The following MYO3B variants were observed in gnomAD, a reference collection of about 807,000 sequenced individuals.
MYO3B encodes the protein myosin IIIB, also known as myosin-IIIb.
MYO3B carries 156 observed loss-of-function variants against 174.6 expected under a neutral mutation model. The ratio of observed to expected loss-of-function variants is 0.89; its 90% confidence interval spans 0.78 to 1.02. The LOEUF (loss-of-function observed/expected upper bound fraction) is 1.02, where lower values mean the gene tolerates loss of function less well. Ranked by LOEUF, MYO3B falls within the 50% of genes least tolerant of loss-of-function variation. The probability of loss-of-function intolerance (pLI) is 0.00; values close to 1 mark genes in which losing one functional copy is unlikely to be tolerated. For synonymous variants in MYO3B, 563 were observed against 569.1 expected (o/e 0.99, Z 0.15); for missense variants, 1,632 against 1,639.4 (o/e 1.00, Z 0.08).
intron 7 of MYO3B, among the ~76,000 whole-genome samples, chr2:170,291,537 T>A (rs1389722854): frequency 6.6e-6 from 1 of 152,140 alleles, no homozygotes; most frequent in Admixed American, 6.5e-5. Context: ...CCCTGAAGAT[T>A]TTTCTTTTTG....
In MYO3B at chr2:170,399,242, C is replaced by CAAAA. The variant is rs71399532; in HGVS notation, c.1792-925_1792-922dup. 7.1e-4 allele frequency among the ~76,000 whole-genome samples: 11 copies of CAAAA among 15,600 alleles called. 3 individuals are homozygous for CAAAA. The highest frequency in any genetic ancestry group is 2.9e-3 in the East Asian group (1 of 346). 10.2% of individuals were successfully genotyped at this position (15,600 alleles called of 152,430 possible). On this transcript the variant is annotated intron_variant, in intron 16 of 34. Transcript: ENST00000408978. ...GGGCAACAAGAGCGAAATTCCGTCT[C>CAAAA]AAAAAAAAAAAAAAAAAAAAAAAAG... is the stretch of plus-strand genomic sequence containing the variant.
intron 25 of MYO3B, among the ~76,000 whole-genome samples, chr2:170,489,017 G>A (rs1210882712): frequency 1.3e-5 from 2 of 152,206 alleles, no homozygotes; most frequent in African/African-American, 4.8e-5. Context: ...GAGTTCCAAT[G>A]AGGTGAAAGG....
At chr2:170,393,150 C>T (rs2094424215) in intron 16 of MYO3B, among the ~76,000 whole-genome samples, 1 of 148,560 alleles carries the variant, frequency 6.7e-6, no homozygotes, top group Non-Finnish European at 1.5e-5. Flanking sequence ...GTGGCGGGAT[C>T]TCAGCTCACT....
At position 170,466,638 on chromosome 2, in the gene MYO3B, G is replaced by A; in HGVS notation, c.2941G>A (p.Gly981Arg). 1.2e-6 allele frequency: 2 copies of A among 1,614,252 alleles called. No homozygotes were observed. Among genetic ancestry groups the A allele is most frequent in the African/African-American group, 1.3e-5 (1 of 75,064 alleles). ...ERVLAQLRST[G>R]ILETVSIRRQ... ...GGTGCTGGCCCAGCTCCGCTCCACA[G>A]GGATTCTGGAGACAGTCAGCATCCG... The change falls in exon 25 of 35, where the codon GGG becomes AGG. Residue 981 changes from glycine (G) to arginine (R), a missense_variant. Transcript: ENST00000408978.
chr2:170,608,883 G>A (rs1694977067), intron 32 of MYO3B, among the ~76,000 whole-genome samples: 1 of 152,122 alleles, frequency 6.6e-6, no homozygotes, highest in Admixed American at 6.5e-5. Flanking sequence ...CTCCTCCCCA[G>A]GCTGTTAGCT....
At position 170,398,889 on chromosome 2, in the gene MYO3B, G is replaced by A. The variant is rs141120160; in HGVS notation, c.1792-1299G>A. On this transcript the variant is annotated intron_variant, in intron 16 of 34. Transcript: ENST00000408978. ...CTTGTGAATACTGTATTTTTGATCC[G>A]TGTTTGGTTGAAAAATATCTATGTA... Among the ~76,000 whole-genome samples the A allele has an allele frequency of 1.7e-4, 26 of 152,208 alleles. 1 individual carries two copies. In the East Asian group the frequency reaches 4.6e-3, roughly 27 times the overall value.
At position 170,484,324 on chromosome 2, in the gene MYO3B, TA is replaced by T. The variant is rs1685889013; in HGVS notation, c.3015-14265del. 2.0e-5 allele frequency among the ~76,000 whole-genome samples: 3 copies of T among 152,206 alleles called. 1 individual carries two copies. The highest frequency in any genetic ancestry group is 2.0e-4 in the Admixed American group (3 of 15,280). On this transcript the variant is annotated intron_variant, in intron 25 of 34. Transcript: ENST00000408978. ...GTGAAATGCCCATCCTCAAAATAAA[TA>T]AATTGAGGTGGTTGAACACATCTGA...
chr2:170,593,908 C>T (rs1693977164), intron 32 of MYO3B, among the ~76,000 whole-genome samples: 1 of 152,114 alleles, frequency 6.6e-6, no homozygotes, highest in Admixed American at 6.6e-5. Flanking sequence ...TTTCTTGGGG[C>T]TCGCTGATAT....
At chr2:170,573,182 A>C (rs1692553016) in intron 32 of MYO3B, among the ~76,000 whole-genome samples, 1 of 150,358 alleles carries the variant, frequency 6.7e-6, no homozygotes, top group Non-Finnish European at 1.5e-5. Context: ...TAGTATACAT[A>C]TATATGTAGT....
intron 25 of MYO3B, among the ~76,000 whole-genome samples, chr2:170,494,382 A>G (rs1398985408): frequency 6.6e-6 from 1 of 151,862 alleles, no homozygotes; most frequent in African/African-American, 2.4e-5. Context: ...GCCTTGGGAA[A>G]TTTATGTCTT....
intron 6 of MYO3B, among the ~76,000 whole-genome samples, chr2:170,225,425 C>T (rs2092941752): frequency 6.6e-6 from 1 of 152,064 alleles, no homozygotes; most frequent in African/African-American, 2.4e-5. Flanking sequence ...ATTGTTTTTT[C>T]CCCCAATTCT....
intron 32 of MYO3B, among the ~76,000 whole-genome samples, chr2:170,633,336 A>T (rs559875698): frequency 2.0e-5 from 3 of 152,342 alleles, no homozygotes; most frequent in Admixed American, 2.0e-4. Flanking sequence ...CAATAAACTT[A>T]ATCCATCATA....
chr2:170,643,452 G>T (rs1319918165), intron 32 of MYO3B, among the ~76,000 whole-genome samples: 3 of 152,162 alleles, frequency 2.0e-5, no homozygotes, highest in African/African-American at 7.2e-5. Context: ...AATGCCCTGA[G>T]AACCTTGGTC....
chr2:170,222,276 G>T (rs189936133), intron 6 of MYO3B, among the ~76,000 whole-genome samples: 14 of 152,338 alleles, frequency 9.2e-5, no homozygotes, highest in African/African-American at 2.6e-4. Context: ...CAACCAAACA[G>T]CGAGAAGTTA....
chr2:170,474,588 T>A (rs1251947574), intron 25 of MYO3B, among the ~76,000 whole-genome samples: 43 of 146,098 alleles, frequency 2.9e-4, no homozygotes, highest in Admixed American at 6.2e-4. Flanking sequence ...AAAAAAAAAA[T>A]AATAATAAGC....
intron 33 of MYO3B, 125 bp downstream of exon 33, chr2:170,651,859 G>T: frequency 1.4e-6 from 1 of 740,360 alleles, no homozygotes; most frequent in Non-Finnish European, 2.2e-6. Context: ...TTGAACATGT[G>T]CTTAGGCTCT....
intron 7 of MYO3B, among the ~76,000 whole-genome samples, chr2:170,286,146 G>A (rs541898776): frequency 1.3e-5 from 2 of 152,272 alleles, no homozygotes; most frequent in Non-Finnish European, 2.9e-5. Flanking sequence ...CTTTTAATAA[G>A]CCACATCATG....
At chr2:170,615,553 T>G (rs966372844) in intron 32 of MYO3B, among the ~76,000 whole-genome samples, 3 of 152,210 alleles carry the variant, frequency 2.0e-5, no homozygotes, top group African/African-American at 7.2e-5. Context: ...AGGAATGTAT[T>G]CATTATCTAT....
At chr2:170,470,529 A>G (rs1304637290) in intron 25 of MYO3B, among the ~76,000 whole-genome samples, 2 of 152,134 alleles carry the variant, frequency 1.3e-5, no homozygotes, top group Non-Finnish European at 2.9e-5. Context: ...CATTGTTTCC[A>G]CTTTTTGGCT....
Sources: gnomAD v4.1 joint callset for allele counts (sites outside exome capture counted in the v4.1 genomes callset) on GRCh38, gnomAD v4.1.1 for gene constraint, MANE v1.5 for transcripts, NCBI Gene and HGNC (gene_info 2026-07-23, HGNC 2026-07-21) for gene names.